The following ANKS1A variants were observed in gnomAD, a reference collection of about 807,000 sequenced individuals.
The protein encoded by ANKS1A is ankyrin repeat and SAM domain-containing protein 1A.
A neutral mutation model predicts 120.3 loss-of-function variants in ANKS1A; 55 were observed. The observed-to-expected ratio is 0.46, with a 90% CI of 0.37 to 0.57. The LOEUF (loss-of-function observed/expected upper bound fraction) is 0.57. ANKS1A is among the 20% of genes least tolerant of loss of function. ANKS1A has a pLI of 0.00. For synonymous variants in ANKS1A, 590 were observed against 604.7 expected, an observed-to-expected ratio of 0.98 and a Z score of 0.36; for missense variants, 1,123 against 1,480.3, an observed-to-expected ratio of 0.76 and a Z score of 3.96.
intron 2 of ANKS1A, among the ~76,000 whole-genome samples, chr6:34,968,126 G>A (rs1770989042): frequency 2.6e-5 from 4 of 151,914 alleles, no homozygotes; most frequent in Admixed American, 2.6e-4. Flanking sequence ...CCTTTTTAAG[G>A]GGAAAAAAAT....
Position 35,082,655 on chromosome 6 carries a change from G to T in ANKS1A, c.2710-36G>T. The T allele has an allele frequency of 6.3e-7, 1 of 1,583,202 alleles. No individual in the cohort carries two copies. Among genetic ancestry groups the T allele is most frequent in the Non-Finnish European group, 8.6e-7 (1 of 1,163,780 alleles). ...CAGCAAGCCCATGTGCTCCTCTGGA[G>T]CAAGGAGCAGGTGTCCAATTGCGTG... On this transcript the variant is annotated intron_variant, in intron 17 of 23. Transcript: ENST00000360359. The surrounding 1 kb of genome is among the most constrained non-coding windows in gnomAD (Gnocchi z 4.1).
intron 1 of ANKS1A, among the ~76,000 whole-genome samples, chr6:34,932,915 T>G (rs1412381725): frequency 6.6e-6 from 1 of 152,250 alleles, no homozygotes; most frequent in Non-Finnish European, 1.5e-5. Flanking sequence ...CCTGCTATAT[T>G]GTTTTTCAAA....
intron 1 of ANKS1A, among the ~76,000 whole-genome samples, chr6:34,938,337 A>C (rs1018590322): frequency 1.3e-5 from 2 of 152,220 alleles, no homozygotes; most frequent in Admixed American, 6.5e-5. Flanking sequence ...TCCTCCTCAA[A>C]GACAGCTGTC....
At chr6:34,964,154 A>G (rs1581757704) in intron 1 of ANKS1A, among the ~76,000 whole-genome samples, 1 of 152,288 alleles carries the variant, frequency 6.6e-6, no homozygotes, top group Non-Finnish European at 1.5e-5. Flanking sequence ...TCTAAACCTA[A>G]TATCTACATG....
chr6:35,071,428 G>A (rs764024040), intron 13 of ANKS1A, among the ~76,000 whole-genome samples: 1 of 152,188 alleles, frequency 6.6e-6, no homozygotes, highest in Non-Finnish European at 1.5e-5. Flanking sequence ...GTGTCTTGTT[G>A]CTACAGAGTC....
chr6:34,925,074 CT>C (rs1241708503), intron 1 of ANKS1A, among the ~76,000 whole-genome samples: 1 of 152,092 alleles, frequency 6.6e-6, no homozygotes, highest in African/African-American at 2.4e-5. Context: ...TTCAAGTGTT[CT>C]TATATTTCTT....
At chr6:34,893,089 A>T (rs1240069289) in intron 1 of ANKS1A, among the ~76,000 whole-genome samples, 1 of 152,174 alleles carries the variant, frequency 6.6e-6, no homozygotes, top group Non-Finnish European at 1.5e-5. Flanking sequence ...GCTTGACATT[A>T]TTCAAGTTAA....
chr6:34,991,733 CATATATAT>C (rs1319853713), intron 9 of ANKS1A, among the ~76,000 whole-genome samples: 50 of 51,684 alleles, frequency 9.7e-4, no homozygotes, highest in African/African-American at 2.2e-3. Context: ...CATATATACA[CATATATAT>C]ACATATATAC....
At chr6:35,097,508 C>CA in the ANKS1A span, among the ~76,000 whole-genome samples, 25,493 of 139,342 alleles carry the variant, frequency 0.18, 2,369 homozygotes, top group African/African-American at 0.21. Context: ...GACTCCGTCT[C>CA]AAAAAAAAAA....
rs1266112960 is a variant in ANKS1A, at chr6:34,983,153, C to G, written c.849C>G (p.Ala283=). The stretch of plus-strand genomic sequence containing the variant: ...TAAAAGATAACCATGGACTGACTGC[C>G]CTAGACACTGTTCGGGAACTGCCTT... The part of the protein sequence containing the change: ...VNIKDNHGLT[A]LDTVRELPSQ... Residue 283 remains alanine (A), a synonymous_variant, in exon 6 of 24, where the codon GCC becomes GCG. Transcript: ENST00000360359. The G allele has an allele frequency of 1.9e-6, 3 of 1,614,010 alleles. No individual in the cohort carries two copies. In the African/African-American group the frequency reaches 4.0e-5, roughly 22 times the overall value.
intron 10 of ANKS1A, chr6:35,010,039 T>C (rs927347876): frequency 3.1e-5 from 6 of 193,714 alleles, no homozygotes; most frequent in Non-Finnish European, 6.4e-5. Flanking sequence ...TTTTTAAAAA[T>C]TAGCTGGGTG....
intron 1 of ANKS1A, among the ~76,000 whole-genome samples, chr6:34,931,025 C>T (rs1022409555): frequency 2.6e-5 from 4 of 151,776 alleles, no homozygotes; most frequent in Admixed American, 6.6e-5. Flanking sequence ...TACAGGCATG[C>T]ACCACCATGC....
chr6:34,970,071 T>G lies in ANKS1A; in HGVS notation c.340T>G (p.Cys114Gly), dbSNP rs1322233126. The stretch of plus-strand genomic sequence containing the variant: ...GACCAACGTGGCTGACTCAAAAGGC[T>G]GCTACCCTCTGCATTTGGCAGCCTG... ...ALTNVADSKG[C>G]YPLHLAAWKG... is the part of the protein sequence containing the mutation. Residue 114 changes from cysteine (C) to glycine (G), a missense_variant, in exon 3 of 24, where the codon TGC becomes GGC. This residue lies in a region of ANKS1A where 146 missense variants were observed against 267.8 expected (regional missense o/e 0.55). Transcript: ENST00000360359. 6.2e-7 allele frequency: 1 copy of G among 1,614,048 alleles called. No homozygotes were observed. Among genetic ancestry groups the G allele is most frequent in the Non-Finnish European group, 8.5e-7 (1 of 1,180,032 alleles).
intron 1 of ANKS1A, among the ~76,000 whole-genome samples, chr6:34,922,007 A>G (rs1768457517): frequency 2.1e-5 from 3 of 143,568 alleles, no homozygotes; most frequent in African/African-American, 8.0e-5. Flanking sequence ...GGACATCTTA[A>G]TTGACTTCCT....
At chr6:35,043,937 C>G (rs989506971) in intron 11 of ANKS1A, among the ~76,000 whole-genome samples, 9 of 152,214 alleles carry the variant, frequency 5.9e-5, no homozygotes, top group African/African-American at 1.9e-4. Context: ...ACTTCCCTAA[C>G]CACCCTTAAT....
intron 1 of ANKS1A, among the ~76,000 whole-genome samples, chr6:34,956,433 G>A (rs1770367108): frequency 6.6e-6 from 1 of 151,828 alleles, no homozygotes; most frequent in Non-Finnish European, 1.5e-5. Context: ...GTTGTCACTT[G>A]TATTAAAGCG....
intron 11 of ANKS1A, 65 bp from the exon 12 acceptor site, chr6:35,054,034 G>A (rs1342859183): frequency 7.2e-7 from 1 of 1,380,304 alleles, no homozygotes; most frequent in Non-Finnish European, 1.0e-6. Flanking sequence ...CTGGCGCTGT[G>A]GTGAGCTGGT....
chr6:35,074,080 G>A (rs1241441774), intron 13 of ANKS1A, among the ~76,000 whole-genome samples: 1 of 152,244 alleles, frequency 6.6e-6, no homozygotes, highest in Non-Finnish European at 1.5e-5. Context: ...GCTGGCCAAG[G>A]TCTGGTTAGC....
chr6:34,972,345 A>C (rs1771224486), intron 3 of ANKS1A, among the ~76,000 whole-genome samples: 1 of 152,170 alleles, frequency 6.6e-6, no homozygotes, highest in Non-Finnish European at 1.5e-5. Flanking sequence ...GCTAGTGGTT[A>C]CAAGTACTAT....
Sources: allele counts gnomAD v4.1 joint callset (sites outside exome capture counted in the v4.1 genomes callset), GRCh38; gene constraint gnomAD v4.1.1; regional missense constraint gnomAD v4.1.1; non-coding constraint Gnocchi (gnomAD v3.1); transcripts MANE v1.5; gene names NCBI Gene and HGNC (gene_info 2026-07-23, HGNC 2026-07-21).